PAX5: variants seen among roughly 807,000 people sequenced by gnomAD.
PAX5 encodes paired box protein Pax-5.
In PAX5, 9 loss-of-function variants were observed where a neutral mutation model predicts 43.7. That is an observed-to-expected ratio of 0.21 (90% CI 0.12 to 0.36). The LOEUF (loss-of-function observed/expected upper bound fraction) is 0.36, where lower values mean the gene tolerates loss of function less well. PAX5 is among the 10% of genes least tolerant of loss of function. The probability of loss-of-function intolerance (pLI) is 1.00; values close to 1 mark genes in which losing one functional copy is unlikely to be tolerated. For missense variants in PAX5, 383 were observed against 532.7 expected (o/e 0.72, Z 2.77); for synonymous variants, 228 against 214.3 (o/e 1.06, Z -0.56).
intron 7 of PAX5, among the ~76,000 whole-genome samples, chr9:36,914,229 TCA>T (rs1417869264): frequency 1.3e-5 from 2 of 152,238 alleles, no homozygotes; most frequent in Non-Finnish European, 2.9e-5. Flanking sequence ...GAACTGAACT[TCA>T]TTTACATATA....
At chr9:36,936,712 C>G (rs932583359) in intron 6 of PAX5, among the ~76,000 whole-genome samples, 16 of 152,166 alleles carry the variant, frequency 1.1e-4, no homozygotes, top group African/African-American at 2.9e-4. Flanking sequence ...GAGAAAACTT[C>G]ACTCCACATG....
chr9:36,869,548 C>A (rs370457982), intron 8 of PAX5, among the ~76,000 whole-genome samples: 48 of 152,348 alleles, frequency 3.2e-4, no homozygotes, highest in African/African-American at 1.1e-3. Context: ...TCCCACCCAG[C>A]CCTACTGTAC....
intron 8 of PAX5, among the ~76,000 whole-genome samples, chr9:36,862,667 C>T (rs759391016): frequency 3.3e-5 from 5 of 152,138 alleles, no homozygotes; most frequent in Non-Finnish European, 7.4e-5. Flanking sequence ...GGTAGGTGGG[C>T]GGCTTTGGGT....
Position 36,882,733 on chromosome 9 carries a change from A to T in PAX5, c.911-628T>A, listed in dbSNP as rs941378763. On this transcript the variant is annotated intron_variant, in intron 7 of 9. Coordinates refer to ENST00000358127, the MANE Select transcript of PAX5 (RefSeq NM_016734.3). The surrounding 1 kb of genome is among the most constrained non-coding windows in gnomAD (Gnocchi z 4.4). ...AGTGAAGATGCAGGAAGCACCTCCC[A>T]GTGCCAAACACTGTTCTGGCCCTGG... Among the ~76,000 whole-genome samples the T allele has an allele frequency of 2.6e-5, 4 of 152,240 alleles. No homozygotes were observed. The highest frequency in any genetic ancestry group is 7.2e-5 in the African/African-American group (3 of 41,460).
intron 6 of PAX5, among the ~76,000 whole-genome samples, chr9:36,928,472 T>G (rs1400860424): frequency 6.6e-6 from 1 of 152,200 alleles, no homozygotes; most frequent in African/African-American, 2.4e-5. Context: ...TATCACCATG[T>G]AGAGTGGCTG....
At chr9:36,945,647 A>G (rs1832431552) in intron 6 of PAX5, among the ~76,000 whole-genome samples, 1 of 152,204 alleles carries the variant, frequency 6.6e-6, no homozygotes, top group East Asian at 1.9e-4. Context: ...AAAAATAGTA[A>G]CTATTATTTT....
At chr9:36,990,852 G>A in intron 5 of PAX5, among the ~76,000 whole-genome samples, 1 of 152,218 alleles carries the variant, frequency 6.6e-6, no homozygotes, top group Non-Finnish European at 1.5e-5. Context: ...GCTCACGCCT[G>A]TAATCCCAGC....
At chr9:36,966,030 A>G (rs1467821861) in intron 6 of PAX5, among the ~76,000 whole-genome samples, 1 of 152,226 alleles carries the variant, frequency 6.6e-6, no homozygotes, top group Non-Finnish European at 1.5e-5. Flanking sequence ...AGTTTGTGCA[A>G]TGAGACATTT....
chr9:36,913,939 G>A (rs74307355), intron 7 of PAX5, among the ~76,000 whole-genome samples: 7,395 of 152,280 alleles, frequency 0.049, 234 homozygotes, highest in East Asian at 0.11. Flanking sequence ...AACACAGGTG[G>A]AGTTAGATGA....
At chr9:36,965,624 A>G (rs577561474) in intron 6 of PAX5, among the ~76,000 whole-genome samples, 5 of 152,228 alleles carry the variant, frequency 3.3e-5, no homozygotes, top group Admixed American at 1.3e-4. Flanking sequence ...GAGAAGATTC[A>G]GAAGCATCCT....
In PAX5 at chr9:36,847,012, T is replaced by C. The variant is rs183481006; in HGVS notation, c.1013-83A>G. On this transcript the variant is annotated intron_variant, in intron 8 of 9. Transcript: ENST00000358127. Reference sequence around the variant, plus strand: ...AGGCCCTGGGTCCCAGCCAGCCTGGTTGCCAATGGCATTTGCCTCTTCCGT... The same window carrying C: ...AGGCCCTGGGTCCCAGCCAGCCTGGCTGCCAATGGCATTTGCCTCTTCCGT... 7,818 of 944,048 alleles carry C rather than the reference T, an allele frequency of 8.3e-3. 48 individuals carry two copies. The highest frequency in any genetic ancestry group is 0.011 in the Non-Finnish European group (6,540 of 596,350). 58.5% of individuals were successfully genotyped at this position (944,048 alleles called of 1,614,324 possible). A position where few individuals can be genotyped will look rare whatever the true frequency, so the allele number is the denominator to read the frequency against.
intron 6 of PAX5, among the ~76,000 whole-genome samples, chr9:36,962,679 C>T (rs1323801173): frequency 5.3e-5 from 8 of 152,172 alleles, no homozygotes; most frequent in Admixed American, 5.2e-4. Context: ...GTGACTTGCT[C>T]GGCAGGGCAG....
chr9:36,910,486 T>C (rs1027017914), intron 7 of PAX5, among the ~76,000 whole-genome samples: 4 of 152,228 alleles, frequency 2.6e-5, no homozygotes, highest in African/African-American at 9.6e-5. Context: ...CCTCTGGTTG[T>C]TAAAATGTTA....
chr9:36,910,791 C>T (rs1349013641), intron 7 of PAX5, among the ~76,000 whole-genome samples: 7 of 152,146 alleles, frequency 4.6e-5, no homozygotes, highest in Admixed American at 4.6e-4. Context: ...GGAACTGACC[C>T]CGCGCTGTGT....
chr9:36,950,735 CTTTTTTTTT>C, intron 6 of PAX5, among the ~76,000 whole-genome samples: 1 of 116,682 alleles, frequency 8.6e-6, no homozygotes, highest in Non-Finnish European at 1.9e-5. Context: ...ACTGAGTTTT[CTTTTTTTTT>C]TTTTTTTTTT....
intron 5 of PAX5, among the ~76,000 whole-genome samples, chr9:36,997,756 C>T (rs894211932): frequency 6.6e-6 from 1 of 152,246 alleles, no homozygotes; most frequent in East Asian, 1.9e-4. Flanking sequence ...ATCCCGCAGG[C>T]CTCCCAGGCA....
At chr9:36,907,822 G>A (rs1828946548) in intron 7 of PAX5, among the ~76,000 whole-genome samples, 1 of 152,174 alleles carries the variant, frequency 6.6e-6, no homozygotes, top group African/African-American at 2.4e-5. Flanking sequence ...CGCCAACTCT[G>A]ATGACATCTA....
chr9:36,995,386 T>C (rs1227168347), intron 5 of PAX5, among the ~76,000 whole-genome samples: 1 of 152,072 alleles, frequency 6.6e-6, no homozygotes, highest in Non-Finnish European at 1.5e-5. Flanking sequence ...ACACAGGGAC[T>C]GGAGGCACAG....
chr9:36,902,598 G>A (rs1412390341), intron 7 of PAX5, among the ~76,000 whole-genome samples: 2 of 152,212 alleles, frequency 1.3e-5, no homozygotes, highest in Non-Finnish European at 2.9e-5. Context: ...GTGGAGAGGG[G>A]CCAAAATAGG....
Sources: gnomAD v4.1 joint callset for allele counts (sites outside exome capture counted in the v4.1 genomes callset) on GRCh38, gnomAD v4.1.1 for gene constraint, Gnocchi (gnomAD v3.1) non-coding constraint, MANE v1.5 for transcripts, NCBI Gene and HGNC (gene_info 2026-07-23, HGNC 2026-07-21) for gene names.